Variants in FAM149B1 observed in about 807,000 individuals in gnomAD.
FAM149B1 encodes primary cilium assembly protein FAM149B1.
In FAM149B1, 56 loss-of-function variants were observed where a neutral mutation model predicts 75.3. The observed-to-expected ratio is 0.74, with a 90% CI of 0.60 to 0.93. FAM149B1 has a LOEUF of 0.93. Ranked by LOEUF, FAM149B1 falls within the 40% of genes least tolerant of loss-of-function variation. The pLI is 0.00. For missense variants in FAM149B1, 639 were observed against 708.4 expected, an observed-to-expected ratio of 0.90 and a Z score of 1.11; for synonymous variants, 259 against 256.1, an observed-to-expected ratio of 1.01 and a Z score of -0.11.
In FAM149B1 at chr10:73,179,698, C is replaced by CT. The variant is rs906971432; in HGVS notation, c.282+1732dup. 1.2e-3 allele frequency among the ~76,000 whole-genome samples: 177 copies of CT among 150,950 alleles called. 1 individual carries two copies. Among genetic ancestry groups the CT allele is most frequent in the African/African-American group, 2.8e-3 (115 of 41,204 alleles). The stretch of plus-strand genomic sequence containing the variant: ...GCCACTGCACCCAGCCAGAAACCTG[C>CT]TTTTTTTTTAACAAAAAGCCTGCTA... On this transcript the variant is annotated intron_variant, in intron 3 of 13. Transcript: ENST00000242505.
intron 1 of FAM149B1, among the ~76,000 whole-genome samples, chr10:73,169,631 A>T (rs1013349210): frequency 6.6e-6 from 1 of 152,042 alleles, no homozygotes; most frequent in Non-Finnish European, 1.5e-5. Context: ...TAATTAAAAA[A>T]AAATTTTTTT....
intron 1 of FAM149B1, among the ~76,000 whole-genome samples, chr10:73,170,914 G>C (rs370129851): frequency 2.6e-5 from 4 of 151,948 alleles, no homozygotes; most frequent in African/African-American, 9.7e-5. Context: ...GGAAAAAAAT[G>C]ATAGGCACTT....
At chr10:73,240,747 G>A (rs1362853109) in intron 13 of FAM149B1, among the ~76,000 whole-genome samples, 199 bp from the exon 14 acceptor site, 1 of 151,296 alleles carries the variant, frequency 6.6e-6, no homozygotes, top group Non-Finnish European at 1.5e-5. Flanking sequence ...TATAACTTAT[G>A]TAACACTGAA....
chr10:73,207,275 GC>G (rs553216818), intron 5 of FAM149B1, among the ~76,000 whole-genome samples: 21 of 152,216 alleles, frequency 1.4e-4, no homozygotes, highest in African/African-American at 5.1e-4. Context: ...AAAGCTGCAG[GC>G]ATTCAGGCCA....
intron 1 of FAM149B1, among the ~76,000 whole-genome samples, chr10:73,172,503 T>G (rs1373947892): frequency 6.6e-6 from 1 of 152,194 alleles, no homozygotes; most frequent in East Asian, 1.9e-4. Flanking sequence ...TGAGAGTATT[T>G]GAGATTTATG....
At chr10:73,191,930 C>G (rs950254577) in intron 3 of FAM149B1, among the ~76,000 whole-genome samples, 4 of 151,538 alleles carry the variant, frequency 2.6e-5, no homozygotes, top group African/African-American at 7.3e-5. Flanking sequence ...CAGTCTAGCT[C>G]TGTCACCCAG....
At chr10:73,239,457 A>G (rs748679295) in intron 13 of FAM149B1, 73 bp downstream of exon 13, 42 of 1,090,558 alleles carry the variant, frequency 3.9e-5, no homozygotes, top group Admixed American at 2.2e-4. Flanking sequence ...CTTTTTTCCT[A>G]CACCTATTTC....
chr10:73,197,231 G>A (rs926458888), intron 5 of FAM149B1, among the ~76,000 whole-genome samples: 5 of 152,122 alleles, frequency 3.3e-5, no homozygotes, highest in African/African-American at 1.2e-4. Flanking sequence ...TTGAACTCCT[G>A]GGCTCAAGTG....
At chr10:73,239,408 A>AT in intron 13 of FAM149B1, 24 bp downstream of exon 13, 1 of 1,529,782 alleles carries the variant, frequency 6.5e-7, no homozygotes, top group Non-Finnish European at 8.9e-7. Flanking sequence ...CATGGCCCTT[A>AT]TTTACTACTG....
chr10:73,187,110 A>G (rs573454966), intron 3 of FAM149B1, among the ~76,000 whole-genome samples: 1 of 152,336 alleles, frequency 6.6e-6, no homozygotes, highest in South Asian at 2.1e-4. Flanking sequence ...AAAAATCACA[A>G]TAGAATAAAA....
chr10:73,171,460 AAAAGAGTATGGG>A (rs1375758774), intron 1 of FAM149B1, among the ~76,000 whole-genome samples: 2 of 152,176 alleles, frequency 1.3e-5, no homozygotes, highest in African/African-American at 4.8e-5. Context: ...ATAATTGTTG[AAAAGAGTATGGG>A]AAAGGAATGA....
chr10:73,207,374 G>A (rs1020392793), intron 5 of FAM149B1, among the ~76,000 whole-genome samples: 20 of 151,996 alleles, frequency 1.3e-4, no homozygotes, highest in African/African-American at 4.1e-4. Flanking sequence ...GACCAGCCTG[G>A]CCAACATGGT....
At chr10:73,231,572 G>A (rs559495758) in intron 9 of FAM149B1, among the ~76,000 whole-genome samples, 11 of 152,296 alleles carry the variant, frequency 7.2e-5, no homozygotes, top group Admixed American at 2.0e-4. Context: ...AGGAGTCCAC[G>A]CATGAGCTAC....
At position 73,168,290 on chromosome 10, in the gene FAM149B1, G is replaced by A; in HGVS notation, c.-50G>A. 1 of 1,544,602 alleles carries A rather than the reference G, an allele frequency of 6.5e-7. No homozygotes were observed. Among genetic ancestry groups the A allele is most frequent in the Non-Finnish European group, 8.7e-7 (1 of 1,144,490 alleles). ...GGCCCGGAGGCCCCCACCCTGGCGT[G>A]CCTGCCCCGGCCGCGGCTGAGGAGG... On this transcript the variant is annotated 5_prime_UTR_variant, in exon 1 of 14. Transcript: ENST00000242505.
chr10:73,210,031 T>G (rs1044257068), intron 6 of FAM149B1, among the ~76,000 whole-genome samples: 2 of 152,234 alleles, frequency 1.3e-5, no homozygotes, highest in African/African-American at 2.4e-5. Context: ...TGGAAGCAGA[T>G]TCTTTTGGTT....
At chr10:73,221,969 G>A (rs2043425693) in intron 7 of FAM149B1, among the ~76,000 whole-genome samples, 1 of 152,022 alleles carries the variant, frequency 6.6e-6, no homozygotes, top group Non-Finnish European at 1.5e-5. Context: ...CTCAAAGTAT[G>A]ATTTGAGAGA....
intron 7 of FAM149B1, among the ~76,000 whole-genome samples, chr10:73,211,574 A>G (rs567821700): frequency 1.3e-5 from 2 of 152,242 alleles, no homozygotes; most frequent in Admixed American, 6.5e-5. Flanking sequence ...TATTTCCCAC[A>G]AAAACTAACA....
At chr10:73,170,846 A>T (rs1278992940) in intron 1 of FAM149B1, among the ~76,000 whole-genome samples, 3 of 152,206 alleles carry the variant, frequency 2.0e-5, no homozygotes, top group Non-Finnish European at 4.4e-5. Flanking sequence ...AGGTTTAGCT[A>T]AAAATCTGCT....
rs893064071 is a variant in FAM149B1 at position 73,168,148 on chromosome 10, T to C, written c.-192T>C. ...CCGCCCCCGCGGCAAAGCAGGGAGG[T>C]CGGAGGACTGGAGAGGTGGGGACCC... is the stretch of plus-strand genomic sequence containing the variant. On this transcript the variant is annotated 5_prime_UTR_variant, in exon 1 of 14. Coordinates refer to ENST00000242505, the MANE Select transcript of FAM149B1 (RefSeq NM_173348.2). 2.2e-5 allele frequency: 13 copies of C among 590,402 alleles called. No homozygotes were observed. Among genetic ancestry groups the C allele is most frequent in the Non-Finnish European group, 3.8e-5 (13 of 341,580 alleles). 36.6% of individuals were successfully genotyped at this position (590,402 alleles called of 1,614,324 possible). A position where few individuals can be genotyped will look rare whatever the true frequency, so the allele number is the denominator to read the frequency against.
Sources: allele counts gnomAD v4.1 joint callset (sites outside exome capture counted in the v4.1 genomes callset), GRCh38; gene constraint gnomAD v4.1.1; transcripts MANE v1.5; gene names NCBI Gene and HGNC (gene_info 2026-07-23, HGNC 2026-07-21).